MARCHF1: variants seen among roughly 807,000 people sequenced by gnomAD.
The protein encoded by MARCHF1 is E3 ubiquitin-protein ligase MARCHF1.
Under a neutral mutation model 54.2 loss-of-function variants are expected in MARCHF1, and 40 were observed. The observed-to-expected ratio is 0.74, with a 90% CI of 0.57 to 0.96. The LOEUF (loss-of-function observed/expected upper bound fraction) is 0.96. MARCHF1 is among the 40% of genes least tolerant of loss of function. The probability of loss-of-function intolerance (pLI) is 0.00; values close to 1 mark genes in which losing one functional copy is unlikely to be tolerated. For missense variants in MARCHF1, 586 were observed against 656.5 expected (o/e 0.89, Z 1.17); for synonymous variants, 236 against 236.3 (o/e 1.00, Z 0.01).
intron 5 of MARCHF1, among the ~76,000 whole-genome samples, chr4:163,622,546 T>A (rs1317413682): frequency 1.3e-5 from 2 of 152,206 alleles, no homozygotes; most frequent in African/African-American, 4.8e-5. Flanking sequence ...TCCTTCCTTA[T>A]ATTGTGCAAA....
At chr4:164,143,644 G>A (rs2110874059) in intron 1 of MARCHF1, among the ~76,000 whole-genome samples, 1 of 152,220 alleles carries the variant, frequency 6.6e-6, no homozygotes, top group Admixed American at 6.5e-5. Context: ...TCACCACCAG[G>A]CCTGCCCTAA....
intron 3 of MARCHF1, among the ~76,000 whole-genome samples, chr4:163,927,836 G>A (rs760136661): frequency 1.3e-5 from 2 of 151,792 alleles, no homozygotes; most frequent in Non-Finnish European, 1.5e-5. Context: ...CATACCGTTT[G>A]AATATTTAAC....
At chr4:163,681,451 T>C (rs1027551603) in intron 5 of MARCHF1, among the ~76,000 whole-genome samples, 1 of 152,134 alleles carries the variant, frequency 6.6e-6, no homozygotes, top group Non-Finnish European at 1.5e-5. Flanking sequence ...TTGGTTATGT[T>C]CCCCTCAAAT....
At chr4:164,201,383 A>G (rs1254991729) in intron 1 of MARCHF1, among the ~76,000 whole-genome samples, 1 of 151,846 alleles carries the variant, frequency 6.6e-6, no homozygotes, top group African/African-American at 2.4e-5. Flanking sequence ...CCACACCCAG[A>G]TAATTTTTTT....
intron 4 of MARCHF1, among the ~76,000 whole-genome samples, chr4:163,737,622 G>T (rs1746084281): frequency 7.9e-6 from 1 of 125,870 alleles, no homozygotes; most frequent in African/African-American, 2.6e-5. Context: ...ATCATTGTTG[G>T]ACATTTGGGT....
At chr4:164,202,417 G>A (rs1158703173) in intron 1 of MARCHF1, among the ~76,000 whole-genome samples, 2 of 152,184 alleles carry the variant, frequency 1.3e-5, no homozygotes, top group African/African-American at 4.8e-5. Flanking sequence ...GCAGAGGCAG[G>A]AAGAAGTTAT....
At chr4:164,013,339 T>A (rs922362820) in intron 2 of MARCHF1, among the ~76,000 whole-genome samples, 4 of 151,866 alleles carry the variant, frequency 2.6e-5, no homozygotes, top group African/African-American at 9.7e-5. Context: ...TATATCAATA[T>A]ACACAATTAG....
At chr4:164,036,427 C>T (rs1754003901) in intron 2 of MARCHF1, among the ~76,000 whole-genome samples, 1 of 151,972 alleles carries the variant, frequency 6.6e-6, no homozygotes, top group Admixed American at 6.6e-5. Flanking sequence ...GTAAAACTAA[C>T]CTATAGAATT....
intron 3 of MARCHF1, among the ~76,000 whole-genome samples, chr4:163,980,568 T>G (rs189372352): frequency 2.0e-5 from 3 of 152,244 alleles, no homozygotes; most frequent in African/African-American, 7.2e-5. Context: ...GCCCTTTAAT[T>G]CTAAAGCATG....
At chr4:164,017,021 G>T (rs1303523714) in intron 2 of MARCHF1, among the ~76,000 whole-genome samples, 1 of 151,722 alleles carries the variant, frequency 6.6e-6, no homozygotes, top group African/African-American at 2.4e-5. Context: ...AATTTTAAAA[G>T]ATGTATCTAA....
Position 163,854,204 on chromosome 4 carries a change from T to C in MARCHF1, c.-38-35A>G, listed in dbSNP as rs539146332. The stretch of plus-strand genomic sequence containing the variant: ...ATTTACATTCCCTGAAACAGGTCAC[T>C]TATTTTAGCTGTGTTTTGGAAAATA... On this transcript the variant is annotated intron_variant, in intron 3 of 9. Coordinates refer to ENST00000514618, the MANE Select transcript of MARCHF1 (RefSeq NM_001394959.1). 10 of 1,418,860 alleles carry C rather than the reference T, an allele frequency of 7.0e-6. No homozygotes were observed. In the Admixed American group the frequency reaches 1.3e-4, roughly 18 times the overall value. The allele number at this position is 1,418,860 out of a possible 1,614,324, so 87.9% of individuals were successfully genotyped here.
At chr4:164,179,399 G>A (rs13353658) in intron 1 of MARCHF1, among the ~76,000 whole-genome samples, 1,963 of 152,090 alleles carry the variant, frequency 0.013, 40 homozygotes, top group African/African-American at 0.042. Flanking sequence ...GACAAAGTAT[G>A]TAATACTTGA....
In MARCHF1 at chr4:164,180,436, T is replaced by A. The variant is rs1483729954; in HGVS notation, c.-322-68774A>T. ...CCTAATAGTATTCTAGCTGTCCATT[T>A]AATGTTCATCTAATAATTTTAAAAT... On this transcript the variant is annotated intron_variant, in intron 1 of 9. Transcript: ENST00000514618. Among the ~76,000 whole-genome samples the A allele has an allele frequency of 3.9e-5, 6 of 152,186 alleles. No individual in the cohort carries two copies. The South Asian group carries it at 1.0e-3, about 26-fold the overall frequency.
chr4:163,797,464 T>C (rs1747950718), intron 4 of MARCHF1, among the ~76,000 whole-genome samples: 2 of 152,080 alleles, frequency 1.3e-5, no homozygotes, highest in Non-Finnish European at 2.9e-5. Flanking sequence ...TCTTCAAGTA[T>C]TGCCAGATTT....
chr4:164,259,564 AAG>A (rs1422476694), intron 1 of MARCHF1, among the ~76,000 whole-genome samples: 71 of 120,174 alleles, frequency 5.9e-4, no homozygotes, highest in African/African-American at 2.8e-3. Context: ...AAAAAAAAAA[AAG>A]AAAAAAGAAA....
Position 163,801,991 on chromosome 4 carries a change from C to T in MARCHF1, c.111+52030G>A, listed in dbSNP as rs550080642. On this transcript the variant is annotated intron_variant, in intron 4 of 9. Transcript: ENST00000514618. ...GGAACGCTAAATGTTTTTGATTAGACCTCTGATTCCGGAAATCTCACAGAC... is the reference window on the plus strand; with the variant it reads ...GGAACGCTAAATGTTTTTGATTAGATCTCTGATTCCGGAAATCTCACAGAC... 9.2e-5 allele frequency among the ~76,000 whole-genome samples: 14 copies of T among 152,066 alleles called. No individual in the cohort carries two copies. The South Asian group carries it at 2.9e-3, about 32-fold the overall frequency.
intron 1 of MARCHF1, among the ~76,000 whole-genome samples, chr4:164,169,894 C>T (rs1479633195): frequency 6.6e-6 from 1 of 152,020 alleles, no homozygotes; most frequent in Non-Finnish European, 1.5e-5. Context: ...GATTTAAATC[C>T]ACTTGGTGAA....
intron 7 of MARCHF1, among the ~76,000 whole-genome samples, chr4:163,594,214 A>G (rs1740681769): frequency 6.6e-6 from 1 of 152,084 alleles, no homozygotes; most frequent in African/African-American, 2.4e-5. Context: ...TGTTGGTAGA[A>G]TATACTAGGC....
intron 1 of MARCHF1, among the ~76,000 whole-genome samples, chr4:164,325,780 G>A (rs910619132): frequency 2.0e-5 from 3 of 151,600 alleles, no homozygotes; most frequent in Admixed American, 6.6e-5. Context: ...AACCTAAATT[G>A]TATAGAAATA....
Sources: gnomAD v4.1 joint callset for allele counts (sites outside exome capture counted in the v4.1 genomes callset) on GRCh38, gnomAD v4.1.1 for gene constraint, MANE v1.5 for transcripts, NCBI Gene and HGNC (gene_info 2026-07-23, HGNC 2026-07-21) for gene names.